The following AHRR variants were observed in gnomAD, a reference collection of about 807,000 sequenced individuals.
The protein encoded by AHRR is ahR repressor.
In AHRR, 28 loss-of-function variants were observed where a neutral mutation model predicts 44.0. The ratio of observed to expected loss-of-function variants is 0.64; its 90% confidence interval spans 0.47 to 0.87. AHRR has a LOEUF of 0.87. AHRR is among the 40% of genes least tolerant of loss of function. AHRR has a pLI of 0.00. For missense variants in AHRR, 990 were observed against 953.9 expected (o/e 1.04, Z -0.50); for synonymous variants, 434 against 407.0 (o/e 1.07, Z -0.80).
intron 8 of AHRR, among the ~76,000 whole-genome samples, chr5:431,595 G>A (rs939120751): frequency 1.3e-5 from 2 of 152,004 alleles, no homozygotes; most frequent in Admixed American, 6.6e-5. Flanking sequence ...GCCTCCAGCG[G>A]CCCCCAACAG....
intron 1 of AHRR, among the ~76,000 whole-genome samples, chr5:341,938 C>A (rs960725264): frequency 2.6e-5 from 4 of 151,990 alleles, no homozygotes; most frequent in African/African-American, 9.7e-5. Flanking sequence ...TTTTAAATTT[C>A]TTTGTGAATC....
In AHRR at chr5:406,806, G is replaced by A. The variant is rs1311948334; in HGVS notation, c.352-6538G>A. 6.6e-6 allele frequency among the ~76,000 whole-genome samples: 1 copy of A among 152,132 alleles called. No homozygotes were observed. The highest frequency in any genetic ancestry group is 2.4e-5 in the African/African-American group (1 of 41,428). On this transcript the variant is annotated intron_variant, in intron 4 of 10. Transcript: ENST00000684583. This position sits in a 1 kb window ranked among gnomAD's most constrained non-coding sequence, Gnocchi z 4.7. ...TGATCCAGGAGTAAGGTGAGACCCC[G>A]ACATTGGGAAATACTCATAAAGTTA...
At chr5:324,901 C>T (rs776389194) in intron 1 of AHRR, among the ~76,000 whole-genome samples, 15 of 152,214 alleles carry the variant, frequency 9.9e-5, no homozygotes, top group Non-Finnish European at 1.9e-4. Flanking sequence ...GCCCCTCCCC[C>T]ACACCGCCCA....
intron 3 of AHRR, among the ~76,000 whole-genome samples, chr5:354,136 C>A (rs933250646): frequency 3.9e-5 from 6 of 152,226 alleles, no homozygotes; most frequent in African/African-American, 1.4e-4. Context: ...CTGTCCTCGA[C>A]ACTCTCAGGG....
intron 5 of AHRR, 187 bp from the exon 6 acceptor site, chr5:422,542 C>T: frequency 2.7e-6 from 2 of 741,616 alleles, no homozygotes; most frequent in Non-Finnish European, 2.2e-6. Flanking sequence ...CTCCAGGCAA[C>T]TTAGACATCT....
At chr5:380,593 G>A (rs1733940080) in intron 4 of AHRR, among the ~76,000 whole-genome samples, 1 of 152,134 alleles carries the variant, frequency 6.6e-6, no homozygotes, top group Non-Finnish European at 1.5e-5. Context: ...TAATGTAAAT[G>A]AGACTTTTTT....
intron 1 of AHRR, among the ~76,000 whole-genome samples, chr5:332,075 G>A (rs1741941607): frequency 6.6e-6 from 1 of 152,060 alleles, no homozygotes; most frequent in Non-Finnish European, 1.5e-5. Context: ...TGACCCAGGA[G>A]CATATTGTTT....
intron 5 of AHRR, chr5:422,456 C>G: frequency 2.1e-6 from 1 of 471,352 alleles, no homozygotes; most frequent in Non-Finnish European, 3.9e-6. Flanking sequence ...CCAGAAGATG[C>G]CCGTCTCTTA....
chr5:398,241 CCCTGACCATCCACGTAGCT>C (rs1389251197), intron 4 of AHRR, among the ~76,000 whole-genome samples: 4 of 150,640 alleles, frequency 2.7e-5, no homozygotes, highest in Admixed American at 1.3e-4. Context: ...CCATGTTAGC[CCCTGACCATCCACGTAGCT>C]CCTGACCATC....
Position 343,876 on chromosome 5 carries a change from GC to G in AHRR, c.-10-12del. ...ACGTGGCGCGTTCCGGTGACCGGGT[GC>G]CCCCTTGTCTTCCAGGCCGAGGACG... On this transcript the variant is annotated splice_polypyrimidine_tract_variant and intron_variant, in intron 1 of 10. Transcript: ENST00000684583. 3 of 1,592,278 alleles carry G rather than the reference GC, an allele frequency of 1.9e-6. No homozygotes were observed. Among genetic ancestry groups the G allele is most frequent in the South Asian group, 2.2e-5 (2 of 89,344 alleles).
chr5:396,679 T>C (rs1560906613), intron 4 of AHRR, among the ~76,000 whole-genome samples: 2 of 152,142 alleles, frequency 1.3e-5, no homozygotes, highest in Non-Finnish European at 2.9e-5. Context: ...ATGTATGTAA[T>C]AAATAAAGGT....
chr5:354,934 G>A (rs13156905), intron 3 of AHRR, among the ~76,000 whole-genome samples: 61,870 of 152,080 alleles, frequency 0.41, 14,404 homozygotes, highest in Non-Finnish European at 0.53. Context: ...AGCATCACGC[G>A]CCGTGTCCTG....
chr5:415,248 G>A (rs943117955), intron 5 of AHRR, among the ~76,000 whole-genome samples: 3 of 152,250 alleles, frequency 2.0e-5, no homozygotes, highest in Non-Finnish European at 4.4e-5. Context: ...CCCAGAGCCA[G>A]CATTCACGCT....
At chr5:373,661 T>A (rs1330986181) in intron 3 of AHRR, among the ~76,000 whole-genome samples, 1 of 147,432 alleles carries the variant, frequency 6.8e-6, no homozygotes, top group Non-Finnish European at 1.5e-5. Flanking sequence ...GGATGGGGGC[T>A]CCCTCCCGGG....
intron 3 of AHRR, chr5:367,740 G>A (rs1284678424): frequency 2.1e-5 from 14 of 652,050 alleles, no homozygotes; most frequent in Non-Finnish European, 3.7e-5. Flanking sequence ...TCTGCTGCTC[G>A]TTCTCTCCTA....
chr5:356,273 G>A (rs979158418), intron 3 of AHRR, among the ~76,000 whole-genome samples: 1 of 152,194 alleles, frequency 6.6e-6, no homozygotes, highest in African/African-American at 2.4e-5. Context: ...CTGCTGCGGG[G>A]CATGGAGGGG....
intron 5 of AHRR, among the ~76,000 whole-genome samples, chr5:422,142 AAGTC>A (rs1016120229): frequency 1.3e-5 from 2 of 152,058 alleles, no homozygotes; most frequent in African/African-American, 4.8e-5. Context: ...GTACCCCTTG[AAGTC>A]AGTCTTCGTG....
intron 5 of AHRR, among the ~76,000 whole-genome samples, chr5:415,123 C>T (rs879925735): frequency 2.1e-4 from 32 of 152,372 alleles, no homozygotes; most frequent in Admixed American, 1.4e-3. Context: ...AGGTGAGATG[C>T]GCACCTGGAG....
At chr5:391,103 A>G (rs1734396442) in intron 4 of AHRR, among the ~76,000 whole-genome samples, 2 of 152,198 alleles carry the variant, frequency 1.3e-5, no homozygotes, top group Admixed American at 6.5e-5. Context: ...AGTGCAGGGA[A>G]GGTGCATTCA....
Sources: gnomAD v4.1 joint callset for allele counts (sites outside exome capture counted in the v4.1 genomes callset) on GRCh38, gnomAD v4.1.1 for gene constraint, Gnocchi (gnomAD v3.1) non-coding constraint, MANE v1.5 for transcripts, NCBI Gene and HGNC (gene_info 2026-07-23, HGNC 2026-07-21) for gene names.